DNAJC16: variants seen among roughly 807,000 people sequenced by gnomAD.
DNAJC16 encodes DnaJ heat shock protein family (Hsp40) member C16.
A neutral mutation model predicts 92.7 loss-of-function variants in DNAJC16; 76 were observed. That is an observed-to-expected ratio of 0.82 (90% confidence interval 0.68 to 0.99). The LOEUF (loss-of-function observed/expected upper bound fraction) is 0.99. DNAJC16 is among the 50% of genes least tolerant of loss of function. The pLI, the probability that DNAJC16 is intolerant of heterozygous loss-of-function variation, is 0.00. For missense variants in DNAJC16, 869 were observed against 942.4 expected (o/e 0.92, Z 1.02); for synonymous variants, 328 against 358.7 (o/e 0.91, Z 0.97).
intron 7 of DNAJC16, 128 bp from the exon 8 acceptor site, chr1:15,559,398 G>C: frequency 7.8e-7 from 1 of 1,277,110 alleles, no homozygotes; most frequent in Admixed American, 2.0e-5. Context: ...AAACAGGTCT[G>C]TCTTGTTTGG....
chr1:15,536,505 T>G lies in DNAJC16; in HGVS notation c.265T>G (p.Tyr89Asp). 6.2e-7 allele frequency: 1 copy of G among 1,601,084 alleles called. No homozygotes were observed. The highest frequency in any genetic ancestry group is 8.5e-7 in the Non-Finnish European group (1 of 1,175,340). ...ILSNEEKRSN[Y>D]DQYGDAGENQ... ...TTCAAATGAAGAAAAGAGATCAAAT[T>G]ATGATCAATATGGAGACGCTGGAGA... Residue 89 changes from tyrosine to aspartate, a missense_variant, in exon 4 of 15, where the codon TAT (tyrosine) becomes GAT (aspartate). By Grantham distance (160) the Tyr-to-Asp change is radical. Coordinates refer to ENST00000375847, the MANE Select transcript of DNAJC16 (RefSeq NM_015291.4).
chr1:15,546,620 C>A, intron 5 of DNAJC16, 147 bp from the exon 6 acceptor site: 2 of 611,666 alleles, frequency 3.3e-6, no homozygotes, highest in Non-Finnish European at 5.7e-6. Context: ...TAGCTTTAGC[C>A]AAATGAAGAC....
Position 15,568,594 on chromosome 1 carries a change from C to T in DNAJC16, c.*417C>T, listed in dbSNP as rs887256290. ...AGGTCATTGGCCCCTTCCCCAATCC[C>T]GGCCCTGCTGTGCTGCTGCCATGGC... On this transcript the variant is annotated 3_prime_UTR_variant, in exon 15 of 15. Coordinates refer to ENST00000375847, the MANE Select transcript of DNAJC16 (RefSeq NM_015291.4). The T allele has an allele frequency of 1.7e-5, 7 of 407,386 alleles. No individual in the cohort carries two copies. Among genetic ancestry groups the T allele is most frequent in the Non-Finnish European group, 3.0e-5 (7 of 231,090 alleles). The allele number at this position is 407,386 out of a possible 1,614,324, so 25.2% of individuals were successfully genotyped here.
chr1:15,559,503 G>T (rs1435932755), intron 7 of DNAJC16, 23 bp from the exon 8 acceptor site: 1 of 1,613,484 alleles, frequency 6.2e-7, no homozygotes, highest in Non-Finnish European at 8.5e-7. Flanking sequence ...ATAAAATCTA[G>T]CTGATTCTTG....
intron 7 of DNAJC16, among the ~76,000 whole-genome samples, chr1:15,551,648 C>CT (rs1638445232): frequency 1.3e-5 from 2 of 150,362 alleles, no homozygotes; most frequent in African/African-American, 4.9e-5. Flanking sequence ...GGATCTCACT[C>CT]TGTCACTCAG....
chr1:15,555,318 C>T (rs112135097), intron 7 of DNAJC16, among the ~76,000 whole-genome samples: 41,170 of 149,156 alleles, frequency 0.28, 6,438 homozygotes, highest in African/African-American at 0.42. Context: ...ACTCAGGAGG[C>T]GGAGGTTGCA....
In DNAJC16 at chr1:15,571,197, T is replaced by A. The variant is rs2103433228; in HGVS notation, c.*3020T>A. The A allele has an allele frequency of 6.6e-6, 1 of 152,332 alleles. No individual in the cohort carries two copies. Among genetic ancestry groups the A allele is most frequent in the South Asian group, 2.1e-4 (1 of 4,826 alleles). 9.4% of individuals were successfully genotyped at this position (152,332 alleles called of 1,614,324 possible). A position where few individuals can be genotyped will look rare whatever the true frequency, so the allele number is the denominator to read the frequency against. On this transcript the variant is annotated 3_prime_UTR_variant, in exon 15 of 15. Transcript: ENST00000375847. ...GTTGTAGTTTTCAGGTAGGTTGGTT[T>A]CTTCCTCATTTGCAGCTTGTTGATA...
At chr1:15,528,086 A>G (rs1410294143) in intron 1 of DNAJC16, among the ~76,000 whole-genome samples, 2 of 152,210 alleles carry the variant, frequency 1.3e-5, no homozygotes, top group African/African-American at 4.8e-5. Flanking sequence ...TCTTCTTCAC[A>G]TGTAAAACTA....
In DNAJC16 at chr1:15,567,266, C is replaced by T. The variant is rs1421126961; in HGVS notation, c.1946C>T (p.Thr649Ile). Residue 649 changes from threonine to isoleucine, a missense_variant, in exon 14 of 15, where the codon ACT (threonine) becomes ATT (isoleucine). Thr to Ile is a moderately conservative substitution (Grantham distance 89). Coordinates refer to ENST00000375847, the MANE Select transcript of DNAJC16 (RefSeq NM_015291.4). The part of the protein sequence containing the change: ...QKFALEVYTF[T>I]GSSCLHFSFL... ...TTTGCTTTGGAGGTCTACACATTTACTGGGTAAGCATGTGTGTGTGTGCAT... is the reference window on the plus strand; with the variant it reads ...TTTGCTTTGGAGGTCTACACATTTATTGGGTAAGCATGTGTGTGTGTGCAT... The T allele has an allele frequency of 7.4e-6, 12 of 1,613,052 alleles. No homozygotes were observed. The highest frequency in any genetic ancestry group is 2.2e-5 in the South Asian group (2 of 91,046).
chr1:15,543,649 G>A (rs1172600976), intron 4 of DNAJC16, among the ~76,000 whole-genome samples: 1 of 152,162 alleles, frequency 6.6e-6, no homozygotes, highest in Non-Finnish European at 1.5e-5. Flanking sequence ...CAGGAGACAG[G>A]GAGAAATAGG....
chr1:15,529,447 G>C (rs1280730812), intron 2 of DNAJC16, among the ~76,000 whole-genome samples, 175 bp downstream of exon 2: 1 of 152,144 alleles, frequency 6.6e-6, no homozygotes, highest in Admixed American at 6.5e-5. Flanking sequence ...TTAGCGATAA[G>C]ATCCAAAGCC....
At chr1:15,559,477 G>T (rs980061314) in intron 7 of DNAJC16, 49 bp from the exon 8 acceptor site, 2 of 1,606,936 alleles carry the variant, frequency 1.2e-6, no homozygotes, top group African/African-American at 2.7e-5. Context: ...CCATCTATTT[G>T]CATTGAGAAC....
intron 3 of DNAJC16, among the ~76,000 whole-genome samples, chr1:15,535,036 T>G (rs1402315574): frequency 2.0e-5 from 3 of 152,240 alleles, no homozygotes; most frequent in Non-Finnish European, 2.9e-5. Flanking sequence ...TTCAGTGGCT[T>G]TCTGATTTGT....
At position 15,567,089 on chromosome 1, in the gene DNAJC16, T is replaced by C; in HGVS notation, c.1779-10T>C. The stretch of plus-strand genomic sequence containing the variant: ...TGACAGCATCTTAACTCCTCAATAT[T>C]TCTCCACAGCAAGATTCCTAAAAAA... On this transcript the variant is annotated splice_polypyrimidine_tract_variant and intron_variant, in intron 13 of 14. Coordinates refer to ENST00000375847, the MANE Select transcript of DNAJC16 (RefSeq NM_015291.4). 6.2e-7 allele frequency: 1 copy of C among 1,604,056 alleles called. No individual in the cohort carries two copies. The highest frequency in any genetic ancestry group is 2.2e-5 in the East Asian group (1 of 44,548).
At chr1:15,552,948 T>C (rs1269215084) in intron 7 of DNAJC16, among the ~76,000 whole-genome samples, 1 of 151,818 alleles carries the variant, frequency 6.6e-6, no homozygotes, top group Non-Finnish European at 1.5e-5. Flanking sequence ...TTTTGTATTT[T>C]TAATAGAGAC....
intron 8 of DNAJC16, among the ~76,000 whole-genome samples, chr1:15,560,947 C>T (rs72645823): frequency 0.29 from 43,797 of 151,734 alleles, 7,442 homozygotes; most frequent in African/African-American, 0.47. Flanking sequence ...CCAGTCACTC[C>T]CCATCCTGGG....
chr1:15,553,506 T>G (rs1305580506), intron 7 of DNAJC16, among the ~76,000 whole-genome samples: 1 of 152,222 alleles, frequency 6.6e-6, no homozygotes, highest in Non-Finnish European at 1.5e-5. Flanking sequence ...AGTGCTGGGA[T>G]TACAGACGTG....
chr1:15,540,037 A>G (rs1710896772), intron 4 of DNAJC16, among the ~76,000 whole-genome samples: 1 of 152,056 alleles, frequency 6.6e-6, no homozygotes, highest in African/African-American at 2.4e-5. Context: ...AAAAAATAAA[A>G]TAAAGTGGCC....
rs968228239 is a variant in DNAJC16, at chr1:15,559,374, A to G, written c.1024-152A>G. 9 of 999,094 alleles carry G rather than the reference A, an allele frequency of 9.0e-6. No individual in the cohort carries two copies. The African/African-American group carries it at 1.5e-4, about 16-fold the overall frequency. The allele number at this position is 999,094 out of a possible 1,614,324, so 61.9% of individuals were successfully genotyped here. A position where few individuals can be genotyped will look rare whatever the true frequency, so the allele number is the denominator to read the frequency against. The stretch of plus-strand genomic sequence containing the variant: ...CTGCATTGCTGAAATAGATCACCAC[A>G]TGTTTATTCGCTCAAACAGGTCTGT... On this transcript the variant is annotated intron_variant, in intron 7 of 14. Transcript: ENST00000375847.
Sources: gnomAD v4.1 joint callset for allele counts (sites outside exome capture counted in the v4.1 genomes callset) on GRCh38, gnomAD v4.1.1 for gene constraint, MANE v1.5 for transcripts, NCBI Gene and HGNC (gene_info 2026-07-23, HGNC 2026-07-21) for gene names.